The following CDK17 variants were observed in gnomAD, a reference collection of about 807,000 sequenced individuals.
The protein encoded by CDK17 is cyclin-dependent kinase 17.
A neutral mutation model predicts 77.6 loss-of-function variants in CDK17; 24 were observed. The ratio of observed to expected loss-of-function variants is 0.31; its 90% confidence interval spans 0.22 to 0.44. CDK17 has a LOEUF of 0.44. Among genes scored for constraint, CDK17 ranks in the 20% least tolerant of loss-of-function variants. The pLI is 1.00. For synonymous variants in CDK17, 203 were observed against 210.4 expected, an observed-to-expected ratio of 0.96 and a Z score of 0.30; for missense variants, 429 against 622.5, an observed-to-expected ratio of 0.69 and a Z score of 3.31.
chr12:96,370,852 A>G (rs1248305951), intron 1 of CDK17, among the ~76,000 whole-genome samples: 2 of 152,210 alleles, frequency 1.3e-5, no homozygotes, highest in African/African-American at 4.8e-5. Flanking sequence ...TAAGTAAATT[A>G]CAATTTTTTG....
chr12:96,287,322 A>AGGGG (rs1420228744), intron 11 of CDK17, among the ~76,000 whole-genome samples: 2 of 152,184 alleles, frequency 1.3e-5, no homozygotes, highest in Non-Finnish European at 2.9e-5. Flanking sequence ...TTCAGAGAAT[A>AGGGG]GAATGGTGGT....
intron 6 of CDK17, 25 bp downstream of exon 6, chr12:96,300,279 T>TAAAAAAA (rs1333076471): frequency 6.7e-7 from 1 of 1,497,198 alleles, no homozygotes; most frequent in Non-Finnish European, 9.2e-7. Context: ...AAAATGTGTC[T>TAAAAAAA]TACATTTTTG....
chr12:96,294,256 T>C (rs1565806539), intron 10 of CDK17, among the ~76,000 whole-genome samples: 1 of 152,188 alleles, frequency 6.6e-6, no homozygotes, highest in Non-Finnish European at 1.5e-5. Context: ...ATCATGTAAG[T>C]GTAACTGACA....
At chr12:96,377,458 G>C (rs1293296696) in intron 1 of CDK17, among the ~76,000 whole-genome samples, 3 of 152,008 alleles carry the variant, frequency 2.0e-5, no homozygotes, top group Non-Finnish European at 4.4e-5. Context: ...ATTCAAAGAA[G>C]GGAAAAAACG....
At chr12:96,358,318 T>C (rs1953434193) in intron 1 of CDK17, among the ~76,000 whole-genome samples, 1 of 135,416 alleles carries the variant, frequency 7.4e-6, no homozygotes, top group Admixed American at 8.4e-5. Flanking sequence ...ATGCAGATTA[T>C]GCAGGGACCA....
At chr12:96,312,347 C>T (rs1409612872) in intron 4 of CDK17, among the ~76,000 whole-genome samples, 2 of 151,952 alleles carry the variant, frequency 1.3e-5, no homozygotes, top group Non-Finnish European at 2.9e-5. Context: ...GGTGGGGAAA[C>T]AAATTATAGC....
chr12:96,310,921 C>T (rs1056443182), intron 5 of CDK17, 131 bp downstream of exon 5: 7 of 909,390 alleles, frequency 7.7e-6, no homozygotes, highest in Admixed American at 5.8e-5. Flanking sequence ...TAATAAAAAT[C>T]GAGAAGGCAA....
chr12:96,389,176 T>C (rs1954025032), intron 1 of CDK17, among the ~76,000 whole-genome samples: 1 of 151,736 alleles, frequency 6.6e-6, no homozygotes, highest in Non-Finnish European at 1.5e-5. Context: ...GGTCTCCCTA[T>C]GTTGCCCAGG....
Position 96,388,546 on chromosome 12 carries a change from T to C in CDK17, c.-30+11440A>G, listed in dbSNP as rs182220383. 1.2e-3 allele frequency among the ~76,000 whole-genome samples: 179 copies of C among 152,354 alleles called. 4 individuals are homozygous for C. The highest frequency in any genetic ancestry group is 1.1e-3 in the Non-Finnish European group (78 of 68,032). ...TTCAAAAAGCCAGAGACGATTTTCA[T>C]TCAATTGTCCTTGTGAATCACTGAT... On this transcript the variant is annotated intron_variant, in intron 1 of 16. Transcript: ENST00000261211.
At chr12:96,388,027 T>C (rs777590053) in intron 1 of CDK17, among the ~76,000 whole-genome samples, 1 of 151,138 alleles carries the variant, frequency 6.6e-6, no homozygotes, top group Non-Finnish European at 1.5e-5. Flanking sequence ...CCTAGCAGTT[T>C]GGGAGGCCAA....
intron 1 of CDK17, among the ~76,000 whole-genome samples, chr12:96,338,689 C>A (rs1354983856): frequency 6.6e-6 from 1 of 151,956 alleles, no homozygotes; most frequent in African/African-American, 2.4e-5. Flanking sequence ...CTGCGCTTGG[C>A]CCTCAACATG....
At chr12:96,302,268 C>T (rs1301704829) in intron 5 of CDK17, among the ~76,000 whole-genome samples, 1 of 151,962 alleles carries the variant, frequency 6.6e-6, no homozygotes, top group Non-Finnish European at 1.5e-5. Flanking sequence ...TGGCAAATAG[C>T]CCACTATCTG....
At chr12:96,314,828 A>G (rs533915493) in intron 3 of CDK17, among the ~76,000 whole-genome samples, 2 of 152,218 alleles carry the variant, frequency 1.3e-5, no homozygotes, top group African/African-American at 2.4e-5. Flanking sequence ...GCCTTTTCCT[A>G]TTTTATCAAC....
intron 3 of CDK17, among the ~76,000 whole-genome samples, chr12:96,318,482 T>C (rs1280558909): frequency 7.5e-5 from 10 of 134,080 alleles, no homozygotes; most frequent in Non-Finnish European, 1.1e-4. Flanking sequence ...CCACCCCAAA[T>C]CAACAGAATA....
intron 1 of CDK17, among the ~76,000 whole-genome samples, chr12:96,362,719 T>C (rs2137191850): frequency 6.6e-6 from 1 of 152,362 alleles, no homozygotes; most frequent in Non-Finnish European, 1.5e-5. Flanking sequence ...GATGTATCTT[T>C]GGCCCTTGGC....
chr12:96,367,854 T>TA (rs11434289), intron 1 of CDK17, among the ~76,000 whole-genome samples: 46,005 of 137,104 alleles, frequency 0.34, 7,703 homozygotes, highest in East Asian at 0.59. Flanking sequence ...CATCTCTACT[T>TA]AAAAAAAAAA....
At chr12:96,300,676 C>A (rs1337376854) in intron 5 of CDK17, among the ~76,000 whole-genome samples, 2 of 152,204 alleles carry the variant, frequency 1.3e-5, no homozygotes, top group African/African-American at 4.8e-5. Context: ...GGATTACAGG[C>A]GTAAGCCACC....
At chr12:96,347,430 G>A (rs2137164760) in intron 1 of CDK17, among the ~76,000 whole-genome samples, 1 of 151,544 alleles carries the variant, frequency 6.6e-6, no homozygotes, top group African/African-American at 2.4e-5. Flanking sequence ...AGCCAGGTGT[G>A]GTGGTGCATG....
chr12:96,368,427 AG>A (rs1953624234), intron 1 of CDK17, among the ~76,000 whole-genome samples: 1 of 152,138 alleles, frequency 6.6e-6, no homozygotes, highest in African/African-American at 2.4e-5. Flanking sequence ...GCTCTACTCC[AG>A]GATGAAAGCA....
Sources: gnomAD v4.1 joint callset for allele counts (sites outside exome capture counted in the v4.1 genomes callset) on GRCh38, gnomAD v4.1.1 for gene constraint, MANE v1.5 for transcripts, NCBI Gene and HGNC (gene_info 2026-07-23, HGNC 2026-07-21) for gene names.